The following RELN variants were observed in gnomAD, a reference collection of about 807,000 sequenced individuals.
The protein encoded by RELN is reelin.
Under a neutral mutation model 427.6 loss-of-function variants are expected in RELN, and 108 were observed. The observed-to-expected ratio is 0.25, with a 90% CI of 0.22 to 0.30. The LOEUF (loss-of-function observed/expected upper bound fraction) is 0.30, where lower values mean the gene tolerates loss of function less well. Among genes scored for constraint, RELN ranks in the 10% least tolerant of loss-of-function variants. The pLI is 1.00. For synonymous variants in RELN, 1,524 were observed against 1,513.4 expected, an observed-to-expected ratio of 1.01 and a Z score of -0.16; for missense variants, 3,715 against 4,302.8, an observed-to-expected ratio of 0.86 and a Z score of 3.82.
chr7:103,500,647 C>A, intron 53 of RELN, 98 bp downstream of exon 53: 2 of 1,246,546 alleles, frequency 1.6e-6, no homozygotes, highest in Non-Finnish European at 2.3e-6. Context: ...CTGGGGGACC[C>A]AAAGGACATT....
At chr7:103,575,456 G>T in intron 29 of RELN, 92 bp downstream of exon 29, 1 of 1,365,202 alleles carries the variant, frequency 7.3e-7, no homozygotes, top group South Asian at 1.2e-5. Flanking sequence ...AATAAATTCA[G>T]AATTTATTTC....
rs74593021 is a variant in RELN, at chr7:103,597,015, A to T, written c.3334-354T>A. Among the ~76,000 whole-genome samples the T allele has an allele frequency of 7.0e-3, 1,064 of 152,328 alleles. 13 individuals are homozygous for T. Among genetic ancestry groups the T allele is most frequent in the African/African-American group, 0.024 (994 of 41,582 alleles). On this transcript the variant is annotated intron_variant, in intron 24 of 64. Transcript: ENST00000428762. ...CTAGGCAGAACCATGCAGATGAAAG[A>T]CCATCTATTTGAAATCTGTTGGAGC...
chr7:103,825,591 G>T (rs1012062690), intron 3 of RELN, among the ~76,000 whole-genome samples: 4 of 152,066 alleles, frequency 2.6e-5, no homozygotes. Context: ...GAATTGCATG[G>T]TTAATTTCTG....
intron 40 of RELN, 102 bp downstream of exon 40, chr7:103,553,359 G>A (rs892088887): frequency 1.7e-5 from 14 of 839,760 alleles, no homozygotes; most frequent in African/African-American, 1.5e-4. Context: ...GCACAAAAAT[G>A]GGAGGTCATA....
chr7:103,510,956 A>G lies in RELN; in HGVS notation c.8169T>C (p.Cys2723=), dbSNP rs1829389958. The change falls in exon 51 of 65, where the codon TGT becomes TGC. Residue 2723 remains cysteine, a synonymous_variant. Coordinates refer to ENST00000428762, the MANE Select transcript of RELN (RefSeq NM_005045.4). Reference sequence around the variant, plus strand: ...AGAGCATCACACCATCAGGGGAGTCACAGAATCTTTCTACTGTACAATCAT... The same window carrying G: ...AGAGCATCACACCATCAGGGGAGTCGCAGAATCTTTCTACTGTACAATCAT... The part of the protein sequence containing the change: ...FHDDCTVERF[C]DSPDGVMLCG... 6.2e-7 allele frequency: 1 copy of G among 1,613,462 alleles called. No homozygotes were observed. Among genetic ancestry groups the G allele is most frequent in the Non-Finnish European group, 8.5e-7 (1 of 1,179,522 alleles).
Position 103,510,961 on chromosome 7 carries a change from A to ATCTT in RELN, c.8160_8163dup (p.Phe2722LysfsTer4). The ATCTT allele has an allele frequency of 6.2e-7, 1 of 1,613,628 alleles. No individual in the cohort carries two copies. The highest frequency in any genetic ancestry group is 1.7e-5 in the Admixed American group (1 of 59,988). ...ATCACACCATCAGGGGAGTCACAGA[A>ATCTT]TCTTTCTACTGTACAATCATCATGG... On this transcript the variant is annotated frameshift_variant, in exon 51 of 65. Coordinates refer to ENST00000428762, the MANE Select transcript of RELN (RefSeq NM_005045.4). LOFTEE classifies it high-confidence loss of function.
intron 64 of RELN, 112 bp downstream of exon 64, chr7:103,478,277 T>TA: frequency 7.4e-6 from 1 of 134,760 alleles, no homozygotes; most frequent in East Asian, 1.8e-4. Context: ...TTTTCATAGA[T>TA]TTTTTTTTTT....
chr7:103,915,429 C>T (rs1488990754), intron 2 of RELN, among the ~76,000 whole-genome samples: 2 of 152,032 alleles, frequency 1.3e-5, no homozygotes, highest in African/African-American at 4.8e-5. Context: ...AATAGAAGTC[C>T]TCACACTTTA....
chr7:103,510,673 A>T (rs1399520991), intron 51 of RELN, among the ~76,000 whole-genome samples, 178 bp downstream of exon 51: 1 of 152,208 alleles, frequency 6.6e-6, no homozygotes, highest in Non-Finnish European at 1.5e-5. Flanking sequence ...TAGTTCAGAA[A>T]TAAAATACTT....
intron 40 of RELN, among the ~76,000 whole-genome samples, chr7:103,551,861 A>G (rs1830417849): frequency 6.6e-6 from 1 of 152,164 alleles, no homozygotes; most frequent in African/African-American, 2.4e-5. Flanking sequence ...TATGATATAC[A>G]AAGTGAAATA....
intron 20 of RELN, among the ~76,000 whole-genome samples, chr7:103,619,469 A>C (rs1414218627): frequency 6.6e-6 from 1 of 152,202 alleles, no homozygotes; most frequent in Non-Finnish European, 1.5e-5. Flanking sequence ...AGGCCAATTT[A>C]CCCAACATTC....
chr7:103,835,331 A>T (rs39372), intron 2 of RELN, among the ~76,000 whole-genome samples: 56,893 of 152,060 alleles, frequency 0.37, 11,027 homozygotes, highest in Non-Finnish European at 0.43. Flanking sequence ...GAGGATTCTT[A>T]AGGGAACGAA....
rs957582373 is a variant in RELN at position 103,561,978 on chromosome 7, A to C, written c.5211-25T>G. On this transcript the variant is annotated intron_variant, in intron 34 of 64. Transcript: ENST00000428762. ...ACTAACCAAAAAAAAAAAAAAAAAAACACACCACTGGTTTGACAAGCAACC... is the reference window on the plus strand; with the variant it reads ...ACTAACCAAAAAAAAAAAAAAAAAACCACACCACTGGTTTGACAAGCAACC... 29 of 1,552,750 alleles carry C rather than the reference A, an allele frequency of 1.9e-5. No homozygotes were observed. The East Asian group carries it at 2.5e-4, about 13-fold the overall frequency.
chr7:103,543,598 G>C lies in RELN; in HGVS notation c.6524-720C>G, dbSNP rs191738228. Among the ~76,000 whole-genome samples the C allele has an allele frequency of 5.9e-5, 9 of 152,172 alleles. No homozygotes were observed. The East Asian group carries it at 1.7e-3, about 29-fold the overall frequency. ...GAGGCGGAGGTGGCAGTTAGCCGAAGATTGTGCCACTTCACTCCGGCCTGG... is the reference window on the plus strand; with the variant it reads ...GAGGCGGAGGTGGCAGTTAGCCGAACATTGTGCCACTTCACTCCGGCCTGG... On this transcript the variant is annotated intron_variant, in intron 42 of 64. Coordinates refer to ENST00000428762, the MANE Select transcript of RELN (RefSeq NM_005045.4).
intron 31 of RELN, among the ~76,000 whole-genome samples, chr7:103,571,438 G>A (rs952623542): frequency 5.3e-5 from 8 of 152,144 alleles, no homozygotes; most frequent in African/African-American, 1.9e-4. Context: ...TGGTATGAGT[G>A]CCTAGGGAGG....
intron 4 of RELN, among the ~76,000 whole-genome samples, chr7:103,769,556 A>G (rs1791512832): frequency 6.6e-6 from 1 of 152,156 alleles, no homozygotes. Context: ...GGCAGCACAA[A>G]TAAGACAATC....
intron 19 of RELN, among the ~76,000 whole-genome samples, chr7:103,631,494 G>C (rs940044346): frequency 1.3e-5 from 2 of 151,822 alleles, no homozygotes; most frequent in African/African-American, 4.8e-5. Context: ...GGGTTTCACC[G>C]TGTTAGCCAG....
At chr7:103,760,800 TA>T (rs1173300693) in intron 4 of RELN, among the ~76,000 whole-genome samples, 1 of 152,206 alleles carries the variant, frequency 6.6e-6, no homozygotes, top group Non-Finnish European at 1.5e-5. Flanking sequence ...AATTCAAATG[TA>T]TTAAACTTCC....
intron 28 of RELN, among the ~76,000 whole-genome samples, chr7:103,582,105 T>C (rs1319824703): frequency 6.6e-6 from 1 of 152,228 alleles, no homozygotes; most frequent in African/African-American, 2.4e-5. Context: ...TGTTTATCCC[T>C]GACTCTGTTT....
Sources: gnomAD v4.1 joint callset for allele counts (sites outside exome capture counted in the v4.1 genomes callset) on GRCh38, gnomAD v4.1.1 for gene constraint, MANE v1.5 for transcripts, NCBI Gene and HGNC (gene_info 2026-07-23, HGNC 2026-07-21) for gene names.